BABAM2: variants seen among roughly 807,000 people sequenced by gnomAD.
BABAM2 encodes the protein BRISC and BRCA1 A complex member 2, also known as BRISC and BRCA1-A complex member 2.
In BABAM2, 31 loss-of-function variants were observed where a neutral mutation model predicts 54.7. The ratio of observed to expected loss-of-function variants is 0.57; its 90% CI spans 0.43 to 0.77. The LOEUF (loss-of-function observed/expected upper bound fraction) is 0.77, where lower values mean the gene tolerates loss of function less well. Among genes scored for constraint, BABAM2 ranks in the 30% least tolerant of loss-of-function variants. BABAM2 has a pLI of 0.00. For missense variants in BABAM2, 364 were observed against 455.8 expected (o/e 0.80, Z 1.83); for synonymous variants, 167 against 162.9 (o/e 1.03, Z -0.19).
At chr2:28,012,132 G>A (rs1335752297) in intron 4 of BABAM2, among the ~76,000 whole-genome samples, 1 of 152,160 alleles carries the variant, frequency 6.6e-6, no homozygotes, top group Non-Finnish European at 1.5e-5. Context: ...AGCTCACACT[G>A]TTGTTTCTTG....
At chr2:28,141,218 A>G (rs973172834) in intron 7 of BABAM2, among the ~76,000 whole-genome samples, 1 of 152,094 alleles carries the variant, frequency 6.6e-6, no homozygotes, top group African/African-American at 2.4e-5. Flanking sequence ...TGTATATATC[A>G]CACACATACA....
chr2:28,336,505 C>T (rs1263036869), intron 11 of BABAM2, among the ~76,000 whole-genome samples: 4 of 152,148 alleles, frequency 2.6e-5, no homozygotes, highest in African/African-American at 7.2e-5. Context: ...GAGTTCCCAC[C>T]TTGCTCTGTG....
intron 3 of BABAM2, among the ~76,000 whole-genome samples, chr2:27,932,275 T>A (rs1003518501): frequency 6.6e-6 from 1 of 152,214 alleles, no homozygotes; most frequent in Non-Finnish European, 1.5e-5. Context: ...TTTCTTGCAC[T>A]GTTTCTCATT....
chr2:28,330,419 A>C (rs1240113674), intron 11 of BABAM2, among the ~76,000 whole-genome samples: 2 of 152,238 alleles, frequency 1.3e-5, no homozygotes, highest in Non-Finnish European at 2.9e-5. Context: ...CCATGATCTT[A>C]TATCTAGAAA....
rs367638892 is a variant in BABAM2, at chr2:28,336,323, G to A, written c.1089-2127G>A. ...GAAGGAAACTGAAGGTTCTGTTACA[G>A]AAAACCAAATTGGTCAGAGCATTTT... On this transcript the variant is annotated intron_variant, in intron 11 of 11. Transcript: ENST00000379624. 1.2e-4 allele frequency among the ~76,000 whole-genome samples: 18 copies of A among 152,342 alleles called. 1 individual carries two copies. Among genetic ancestry groups the A allele is most frequent in the Admixed American group, 9.1e-4 (14 of 15,306 alleles).
chr2:27,898,583 T>C (rs1040605011), intron 2 of BABAM2, among the ~76,000 whole-genome samples: 8 of 152,166 alleles, frequency 5.3e-5, no homozygotes, highest in African/African-American at 1.7e-4. Flanking sequence ...ATTTGGCATA[T>C]CAAAAATAGA....
intron 5 of BABAM2, among the ~76,000 whole-genome samples, chr2:28,028,822 A>G (rs1676084315): frequency 6.6e-6 from 1 of 151,750 alleles, no homozygotes; most frequent in South Asian, 2.1e-4. Context: ...GCTGGAGTGC[A>G]GTGGCGTACT....
At chr2:28,107,616 T>A (rs1219418627) in intron 6 of BABAM2, among the ~76,000 whole-genome samples, 1 of 152,206 alleles carries the variant, frequency 6.6e-6, no homozygotes, top group Non-Finnish European at 1.5e-5. Flanking sequence ...CTAGGACCAT[T>A]ACCTCTTCCT....
chr2:28,130,378 T>C (rs975342169), intron 7 of BABAM2, among the ~76,000 whole-genome samples: 1 of 152,186 alleles, frequency 6.6e-6, no homozygotes, highest in Non-Finnish European at 1.5e-5. Context: ...CAATAATCTA[T>C]AGGCATTCTC....
At chr2:28,250,381 G>T (rs1406627731) in intron 10 of BABAM2, among the ~76,000 whole-genome samples, 1 of 139,416 alleles carries the variant, frequency 7.2e-6, no homozygotes, top group Non-Finnish European at 1.5e-5. Context: ...GTTTATTCTA[G>T]AGATTACAAT....
At chr2:28,305,836 G>A (rs1688470949) in intron 11 of BABAM2, among the ~76,000 whole-genome samples, 1 of 151,974 alleles carries the variant, frequency 6.6e-6, no homozygotes, top group South Asian at 2.1e-4. Flanking sequence ...TAGAAGCTTA[G>A]GTCACAATTT....
At chr2:28,321,005 T>C (rs1689979825) in intron 11 of BABAM2, among the ~76,000 whole-genome samples, 1 of 152,244 alleles carries the variant, frequency 6.6e-6, no homozygotes, top group Admixed American at 6.5e-5. Context: ...ACAAATGTTA[T>C]ATATATACCT....
chr2:28,051,638 T>C (rs1304583692), intron 6 of BABAM2, among the ~76,000 whole-genome samples: 3 of 148,668 alleles, frequency 2.0e-5, no homozygotes, highest in East Asian at 1.9e-4. Flanking sequence ...CTCAGAGTCA[T>C]AAAGGTCAAG....
At chr2:27,976,592 A>G (rs1258950495) in intron 3 of BABAM2, among the ~76,000 whole-genome samples, 2 of 152,164 alleles carry the variant, frequency 1.3e-5, no homozygotes, top group Admixed American at 6.5e-5. Context: ...TAGCATGAAG[A>G]CATATTGGAG....
intron 6 of BABAM2, among the ~76,000 whole-genome samples, chr2:28,127,064 G>A (rs578041839): frequency 2.9e-4 from 44 of 152,196 alleles, no homozygotes; most frequent in African/African-American, 1.0e-3. Context: ...AGTAGGTTGC[G>A]AAAATTTTCT....
At chr2:27,905,558 T>C (rs1666130832) in intron 2 of BABAM2, among the ~76,000 whole-genome samples, 1 of 152,150 alleles carries the variant, frequency 6.6e-6, no homozygotes, top group Admixed American at 6.6e-5. Flanking sequence ...GTGATATTAT[T>C]GTATGTTGTT....
At chr2:28,333,093 C>T (rs924571108) in intron 11 of BABAM2, among the ~76,000 whole-genome samples, 1 of 151,960 alleles carries the variant, frequency 6.6e-6, no homozygotes, top group Non-Finnish European at 1.5e-5. Flanking sequence ...TTGGCCCCAG[C>T]GGGTACCCAT....
chr2:28,233,008 T>A (rs1681559317), intron 7 of BABAM2: 6 of 312,748 alleles, frequency 1.9e-5, no homozygotes, highest in Admixed American at 1.4e-4. Context: ...TCTGGCCTCA[T>A]CCTTCTAATT....
intron 5 of BABAM2, among the ~76,000 whole-genome samples, chr2:28,032,893 C>T (rs1676400316): frequency 6.6e-6 from 1 of 151,996 alleles, no homozygotes; most frequent in Admixed American, 6.6e-5. Flanking sequence ...TCAGTTTCCC[C>T]CAGTGGTTCG....
Sources: allele counts gnomAD v4.1 joint callset (sites outside exome capture counted in the v4.1 genomes callset), GRCh38; gene constraint gnomAD v4.1.1; transcripts MANE v1.5; gene names NCBI Gene and HGNC (gene_info 2026-07-23, HGNC 2026-07-21).